The following TRPS1 variants were observed in gnomAD, a reference collection of about 807,000 sequenced individuals.
TRPS1 encodes transcriptional repressor GATA binding 1.
TRPS1 carries 6 observed loss-of-function variants against 101.2 expected under a neutral mutation model. The observed-to-expected ratio is 0.06, with a 90% confidence interval of 0.03 to 0.12. The LOEUF is 0.12. Among genes scored for constraint, TRPS1 ranks in the 10% least tolerant of loss-of-function variants. The pLI is 1.00. For synonymous variants in TRPS1, 578 were observed against 589.8 expected (o/e 0.98, Z 0.29); for missense variants, 1,363 against 1,567.0 (o/e 0.87, Z 2.20).
chr8:115,505,934 T>A (rs1371347611), intron 5 of TRPS1, among the ~76,000 whole-genome samples: 1 of 60,746 alleles, frequency 1.6e-5, no homozygotes, highest in Non-Finnish European at 3.1e-5. Flanking sequence ...TGGAAAGTTG[T>A]ATATGGGTAG....
At position 115,587,149 on chromosome 8, in the gene TRPS1, A is replaced by G; in HGVS notation, c.2552T>C (p.Leu851Pro). The change falls in exon 5 of 7, where the codon CTG becomes CCG. Residue 851 changes from leucine to proline, a missense_variant. This residue lies in a region of TRPS1 where 1,020 missense variants were observed against 1,073.0 expected (regional missense o/e 0.95). Transcript: ENST00000395715. ...AGCCAAGCCATAAATAGGTCGCGCC[A>G]GATGGGCGGCCTCCACATTGGGACT... is the stretch of plus-strand genomic sequence containing the variant. ...RDSPNVEAAH[L>P]ARPIYGLAVE... The G allele has an allele frequency of 1.2e-6, 2 of 1,614,198 alleles. No individual in the cohort carries two copies. The highest frequency in any genetic ancestry group is 1.7e-6 in the Non-Finnish European group (2 of 1,180,018).
intron 5 of TRPS1, among the ~76,000 whole-genome samples, chr8:115,480,717 C>A (rs1207984323): frequency 1.3e-5 from 2 of 152,016 alleles, no homozygotes; most frequent in Non-Finnish European, 2.9e-5. Context: ...CTTTCATTAA[C>A]AAGTTTTAAA....
At chr8:115,536,501 C>A (rs1816324559) in intron 5 of TRPS1, among the ~76,000 whole-genome samples, 1 of 129,924 alleles carries the variant, frequency 7.7e-6, no homozygotes, top group Non-Finnish European at 1.5e-5. Context: ...GCAGCCTGGG[C>A]GACAGAGGGA....
chr8:115,533,436 G>GTCTTTTTTTTT (rs1816187474), intron 5 of TRPS1, among the ~76,000 whole-genome samples: 1 of 34,986 alleles, frequency 2.9e-5, no homozygotes, highest in Non-Finnish European at 5.3e-5. Context: ...CATGTAATCT[G>GTCTTTTTTTTT]TTTTTTTTTT....
intron 5 of TRPS1, among the ~76,000 whole-genome samples, chr8:115,441,026 A>C (rs1057336644): frequency 2.6e-5 from 4 of 152,194 alleles, no homozygotes; most frequent in Admixed American, 6.5e-5. Flanking sequence ...AGGCCTCTGA[A>C]CAACATCTGG....
intron 1 of TRPS1, among the ~76,000 whole-genome samples, chr8:115,644,811 A>C (rs533353955): frequency 6.6e-5 from 10 of 152,278 alleles, no homozygotes; most frequent in African/African-American, 2.4e-4. Context: ...GGTTATTAAT[A>C]GGTTGAATTT....
chr8:115,604,829 G>C lies in TRPS1; in HGVS notation c.1140C>G (p.Pro380=). The change falls in exon 4 of 7, where the codon CCC becomes CCG. Residue 380 remains proline, a synonymous_variant. Transcript: ENST00000395715. The surrounding 1 kb of genome is among the most constrained non-coding windows in gnomAD (Gnocchi z 4.1). ...THPNKIKASL[P]SSEVAKPSEK... ...CTGAAGGTTTTGCAACCTCAGAGGA[G>C]GGGAGAGAAGCTTTTATTTTGTTTG... 1 of 1,614,076 alleles carries C rather than the reference G, an allele frequency of 6.2e-7. No individual in the cohort carries two copies. The highest frequency in any genetic ancestry group is 2.2e-5 in the East Asian group (1 of 44,880).
chr8:115,638,039 C>T (rs75342389), intron 1 of TRPS1, among the ~76,000 whole-genome samples: 5,441 of 152,206 alleles, frequency 0.036, 356 homozygotes, highest in African/African-American at 0.12. Context: ...AGGGAGCTTT[C>T]CCAGAACTTG....
At position 115,587,063 on chromosome 8, in the gene TRPS1, G is replaced by A. The variant is rs748988134; in HGVS notation, c.2638C>T (p.Pro880Ser). ...PAGGEKSGALPQQYPASGENK... is the reference protein window; with the variant it reads ...PAGGEKSGALSQQYPASGENK... ...TCTCCCGATGCAGGATACTGCTGGG[G>A]GAGGGCCCCAGACTTCTCTCCGCCA... Residue 880 changes from proline to serine, a missense_variant, in exon 5 of 7, where the codon CCC (proline) becomes TCC (serine). Transcript: ENST00000395715. 1.6e-5 allele frequency: 26 copies of A among 1,614,158 alleles called. No individual in the cohort carries two copies. Among genetic ancestry groups the A allele is most frequent in the Non-Finnish European group, 1.9e-5 (22 of 1,180,016 alleles).
rs529387676 is a variant in TRPS1 at position 115,580,856 on chromosome 8, G to A, written c.2700+6145C>T. Among the ~76,000 whole-genome samples the A allele has an allele frequency of 4.6e-5, 7 of 152,090 alleles. No individual in the cohort carries two copies. In the South Asian group the frequency reaches 8.3e-4, roughly 18 times the overall value. On this transcript the variant is annotated intron_variant, in intron 5 of 6. Transcript: ENST00000395715. Reference sequence around the variant, plus strand: ...AGTATGGAGGCTCCTCAAAAAAACCGCAAACAGAGCTACATACATGATCTA... The same window carrying A: ...AGTATGGAGGCTCCTCAAAAAAACCACAAACAGAGCTACATACATGATCTA...
intron 5 of TRPS1, among the ~76,000 whole-genome samples, chr8:115,561,050 G>GTGT (rs1816934388): frequency 6.6e-6 from 1 of 152,056 alleles, no homozygotes; most frequent in Non-Finnish European, 1.5e-5. Context: ...ATTAATCATG[G>GTGT]ACTGGTGCAA....
intron 5 of TRPS1, among the ~76,000 whole-genome samples, chr8:115,495,064 A>C (rs1815114705): frequency 6.6e-6 from 1 of 152,196 alleles, no homozygotes; most frequent in African/African-American, 2.4e-5. Flanking sequence ...TCATTTGGGA[A>C]GAAGTAAAGA....
chr8:115,533,477 G>A (rs1050920454), intron 5 of TRPS1, among the ~76,000 whole-genome samples: 4 of 73,512 alleles, frequency 5.4e-5, no homozygotes, highest in Non-Finnish European at 9.9e-5. Flanking sequence ...AAAATCATGA[G>A]TGAGTTAAAT....
chr8:115,499,549 C>A (rs927323019), intron 5 of TRPS1, among the ~76,000 whole-genome samples: 1 of 152,018 alleles, frequency 6.6e-6, no homozygotes, highest in Non-Finnish European at 1.5e-5. Context: ...GGATCTTTTA[C>A]AGATCAGATT....
At chr8:115,653,771 G>A (rs916159563) in intron 1 of TRPS1, among the ~76,000 whole-genome samples, 2 of 152,094 alleles carry the variant, frequency 1.3e-5, no homozygotes, top group Non-Finnish European at 2.9e-5. Context: ...TTCACCCTGC[G>A]ACTCAAGATG....
intron 5 of TRPS1, among the ~76,000 whole-genome samples, chr8:115,473,295 C>A (rs143964569): frequency 6.6e-6 from 1 of 152,108 alleles, no homozygotes. Flanking sequence ...CCCATGATGG[C>A]GGGAAGGAGA....
chr8:115,651,206 T>A (rs2049873), intron 1 of TRPS1, among the ~76,000 whole-genome samples: 23,414 of 152,140 alleles, frequency 0.15, 5,646 homozygotes, highest in African/African-American at 0.51. Flanking sequence ...CTCCTTTTTT[T>A]ATACTTTTCA....
Position 115,587,139 on chromosome 8 carries a change from A to C in TRPS1, c.2562T>G (p.Pro854=), listed in dbSNP as rs1427572990. 6.2e-7 allele frequency: 1 copy of C among 1,614,130 alleles called. No individual in the cohort carries two copies. Residue 854 remains proline, a synonymous_variant, in exon 5 of 7, where the codon CCT becomes CCG. Coordinates refer to ENST00000395715, the MANE Select transcript of TRPS1 (RefSeq NM_014112.5). ...TGGTTTCCACAGCCAAGCCATAAAT[A>C]GGTCGCGCCAGATGGGCGGCCTCCA... The part of the protein sequence containing the change: ...PNVEAAHLAR[P]IYGLAVETKG...
intron 5 of TRPS1, among the ~76,000 whole-genome samples, chr8:115,449,544 G>C (rs1016418499): frequency 1.3e-5 from 2 of 152,178 alleles, no homozygotes; most frequent in African/African-American, 4.8e-5. Context: ...CAGAGCTTCT[G>C]CAACTGTCTG....
Sources: gnomAD v4.1 joint callset for allele counts (sites outside exome capture counted in the v4.1 genomes callset) on GRCh38, gnomAD v4.1.1 for gene constraint, gnomAD v4.1.1 regional missense constraint, Gnocchi (gnomAD v3.1) non-coding constraint, MANE v1.5 for transcripts, NCBI Gene and HGNC (gene_info 2026-07-23, HGNC 2026-07-21) for gene names.